Variants in ARMH4 observed in about 807,000 individuals in gnomAD.
ARMH4 encodes the protein armadillo like helical domain containing 4.
Under a neutral mutation model 61.9 loss-of-function variants are expected in ARMH4, and 49 were observed. That is an observed-to-expected ratio of 0.79 (90% CI 0.63 to 1.00). The LOEUF (loss-of-function observed/expected upper bound fraction) is 1.00, where lower values mean the gene tolerates loss of function less well. ARMH4 is among the 50% of genes least tolerant of loss of function. ARMH4 has a pLI of 0.00. For synonymous variants in ARMH4, 368 were observed against 341.5 expected, an observed-to-expected ratio of 1.08 and a Z score of -0.85; for missense variants, 934 against 930.0, an observed-to-expected ratio of 1.00 and a Z score of -0.06.
At chr14:58,083,995 G>C (rs1192238152) in intron 5 of ARMH4, among the ~76,000 whole-genome samples, 1 of 152,168 alleles carries the variant, frequency 6.6e-6, no homozygotes, top group Non-Finnish European at 1.5e-5. Context: ...CTTTTAACAA[G>C]TATGAATTAT....
At chr14:58,092,824 T>TTG (rs1451535561) in intron 5 of ARMH4, among the ~76,000 whole-genome samples, 1 of 151,458 alleles carries the variant, frequency 6.6e-6, no homozygotes, top group African/African-American at 2.4e-5. Flanking sequence ...CCTTTTTGTT[T>TTG]TTTTTTTTTT....
intron 4 of ARMH4, among the ~76,000 whole-genome samples, chr14:58,125,409 AGAT>A (rs1277643514): frequency 1.3e-5 from 2 of 152,238 alleles, no homozygotes; most frequent in African/African-American, 4.8e-5. Flanking sequence ...AGCACCCATC[AGAT>A]GGCCAAATTA....
At chr14:58,020,626 T>C (rs968055603) in intron 5 of ARMH4, among the ~76,000 whole-genome samples, 1 of 152,156 alleles carries the variant, frequency 6.6e-6, no homozygotes, top group African/African-American at 2.4e-5. Flanking sequence ...TCTTTGTATA[T>C]GTCTTTCTCA....
intron 2 of ARMH4, among the ~76,000 whole-genome samples, chr14:58,134,546 C>A (rs577267301): frequency 2.8e-5 from 4 of 144,528 alleles, no homozygotes; most frequent in Admixed American, 2.7e-4. Flanking sequence ...TTCTTGAAAA[C>A]CTTATTGTCT....
chr14:58,085,243 T>G (rs1885342540), intron 5 of ARMH4, among the ~76,000 whole-genome samples: 1 of 152,116 alleles, frequency 6.6e-6, no homozygotes, highest in African/African-American at 2.4e-5. Context: ...GTTTTAACAG[T>G]TGGAAACTCT....
rs577005166 is a variant in ARMH4 at position 58,101,451 on chromosome 14, G to A, written c.1832-4470C>T. On this transcript the variant is annotated intron_variant, in intron 4 of 7. Transcript: ENST00000267485. ...AGAAGTGATGAGCAGGAAAGCAACAGCAGCAAGTTGTGGGGACTGAAAAGG... is the reference window on the plus strand; with the variant it reads ...AGAAGTGATGAGCAGGAAAGCAACAACAGCAAGTTGTGGGGACTGAAAAGG... 1.3e-5 allele frequency: 2 copies of A among 152,356 alleles called. 1 individual carries two copies. Among genetic ancestry groups the A allele is most frequent in the East Asian group, 3.9e-4 (2 of 5,184 alleles). 9.4% of individuals were successfully genotyped at this position (152,356 alleles called of 1,614,324 possible). A position where few individuals can be genotyped will look rare whatever the true frequency, so the allele number is the denominator to read the frequency against.
At chr14:58,039,668 C>A (rs1275760200) in intron 5 of ARMH4, among the ~76,000 whole-genome samples, 3 of 152,158 alleles carry the variant, frequency 2.0e-5, no homozygotes, top group Non-Finnish European at 2.9e-5. Flanking sequence ...ACAGCCAGCA[C>A]AAAAACTGTT....
At chr14:58,019,758 TC>T (rs1882747214) in intron 5 of ARMH4, among the ~76,000 whole-genome samples, 2 of 151,996 alleles carry the variant, frequency 1.3e-5, no homozygotes, top group African/African-American at 4.8e-5. Flanking sequence ...GCCACTGCAC[TC>T]CAGCCTGGGT....
Position 58,133,174 on chromosome 14 carries a change from G to A in ARMH4, c.1537C>T (p.Leu513=). 6.2e-7 allele frequency: 1 copy of A among 1,614,130 alleles called. No individual in the cohort carries two copies. Among genetic ancestry groups the A allele is most frequent in the Admixed American group, 1.7e-5 (1 of 60,030 alleles). The change falls in exon 3 of 8, where the codon CTG becomes TTG. Residue 513 remains leucine (L), a synonymous_variant. Transcript: ENST00000267485. ...PVSDVPGVTQ[L]SRRWEPLATT... is the part of the protein sequence containing the mutation. ...GCCAGAGGCTCCCATCTTCTTGACAGCTGAGTAACACCAGGAACGTCAGAC... is the reference window on the plus strand; with the variant it reads ...GCCAGAGGCTCCCATCTTCTTGACAACTGAGTAACACCAGGAACGTCAGAC...
At chr14:58,132,911 A>T (rs566246351) in intron 3 of ARMH4, among the ~76,000 whole-genome samples, 179 bp downstream of exon 3, 1 of 152,082 alleles carries the variant, frequency 6.6e-6, no homozygotes, top group Non-Finnish European at 1.5e-5. Flanking sequence ...AGGCTCTGCC[A>T]CACCTCTTCA....
Position 58,003,924 on chromosome 14 carries a change from ATTC to A in ARMH4, c.*809_*811del, listed in dbSNP as rs370296901. 3.3e-4 allele frequency: 50 copies of A among 152,290 alleles called. No homozygotes were observed. Among genetic ancestry groups the A allele is most frequent in the African/African-American group, 1.1e-3 (47 of 41,562 alleles). The allele number at this position is 152,290 out of a possible 1,614,324, so 9.4% of individuals were successfully genotyped here. On this transcript the variant is annotated 3_prime_UTR_variant, in exon 8 of 8. Transcript: ENST00000267485. ...TTACCTACCCTCATCTCATTCTTGA[ATTC>A]TTCTTCATTTTTTCTCGGCAAAATC...
In ARMH4 at chr14:58,139,388, A is replaced by C. The variant is rs748590209; in HGVS notation, c.-30T>G. 7.5e-6 allele frequency: 12 copies of C among 1,603,684 alleles called. No homozygotes were observed. The East Asian group carries it at 2.7e-4, about 36-fold the overall frequency. ...GAAGAGAAATGGCACGTACACTGGC[A>C]GAGTTGACAAGTCCAGTAATTGAAT... On this transcript the variant is annotated 5_prime_UTR_variant, in exon 2 of 8. Coordinates refer to ENST00000267485, the MANE Select transcript of ARMH4 (RefSeq NM_001001872.4).
At chr14:58,122,985 T>C (rs1157580841) in intron 4 of ARMH4, among the ~76,000 whole-genome samples, 2 of 152,050 alleles carry the variant, frequency 1.3e-5, no homozygotes, top group Non-Finnish European at 2.9e-5. Flanking sequence ...GTTAACTGTC[T>C]CCTGGACACT....
chr14:58,058,788 G>T (rs1884430546), intron 5 of ARMH4, among the ~76,000 whole-genome samples: 1 of 152,138 alleles, frequency 6.6e-6, no homozygotes, highest in South Asian at 2.1e-4. Flanking sequence ...AATTTTTAAA[G>T]AATATTTTGG....
intron 5 of ARMH4, among the ~76,000 whole-genome samples, chr14:58,018,276 A>G (rs1882688523): frequency 6.6e-6 from 1 of 152,142 alleles, no homozygotes; most frequent in Non-Finnish European, 1.5e-5. Context: ...GAAAACCGGG[A>G]TTTTATCAAA....
intron 5 of ARMH4, among the ~76,000 whole-genome samples, chr14:58,038,204 A>G (rs1883544753): frequency 3.5e-5 from 2 of 56,352 alleles, no homozygotes; most frequent in South Asian, 1.5e-3. Context: ...CATATACACC[A>G]TGGAATACTA....
chr14:58,146,391 A>C (rs1456526457), intron 1 of ARMH4, among the ~76,000 whole-genome samples: 4 of 152,344 alleles, frequency 2.6e-5, no homozygotes, highest in African/African-American at 7.2e-5. Context: ...TCTCCATGCA[A>C]ATTAATTCAG....
intron 5 of ARMH4, among the ~76,000 whole-genome samples, chr14:58,089,302 T>C (rs961766263): frequency 2.6e-5 from 4 of 152,232 alleles, no homozygotes; most frequent in African/African-American, 9.6e-5. Flanking sequence ...GCAAAGCATC[T>C]TTTCCTTGCT....
Position 58,042,343 on chromosome 14 carries a change from G to A in ARMH4, c.2090-30193C>T, listed in dbSNP as rs181319927. 5.2e-3 allele frequency among the ~76,000 whole-genome samples: 794 copies of A among 152,244 alleles called. 4 individuals carry two copies. The highest frequency in any genetic ancestry group is 7.1e-3 in the Non-Finnish European group (483 of 68,008). On this transcript the variant is annotated intron_variant, in intron 5 of 7. Transcript: ENST00000267485. ...TGGAAACTGAACAAACTGCTCCTGA[G>A]TGACTACTGGGTACATAACGAAATG...
Sources: gnomAD v4.1 joint callset for allele counts (sites outside exome capture counted in the v4.1 genomes callset) on GRCh38, gnomAD v4.1.1 for gene constraint, MANE v1.5 for transcripts, NCBI Gene and HGNC (gene_info 2026-07-23, HGNC 2026-07-21) for gene names.